Variants in ITGBL1 observed in about 807,000 individuals in gnomAD.
ITGBL1 encodes the protein integrin subunit beta like 1, also known as integrin beta-like protein 1.
A neutral mutation model predicts 68.5 loss-of-function variants in ITGBL1; 51 were observed. The ratio of observed to expected loss-of-function variants is 0.74; its 90% confidence interval spans 0.59 to 0.94. The LOEUF is 0.94. Among genes scored for constraint, ITGBL1 ranks in the 40% least tolerant of loss-of-function variants. ITGBL1 has a pLI of 0.00. For missense variants in ITGBL1, 649 were observed against 647.4 expected (o/e 1.00, Z -0.03); for synonymous variants, 209 against 227.3 (o/e 0.92, Z 0.72).
chr13:101,560,755 C>CT (rs960512063), intron 2 of ITGBL1, among the ~76,000 whole-genome samples: 5 of 152,028 alleles, frequency 3.3e-5, no homozygotes, highest in Admixed American at 6.5e-5. Flanking sequence ...TCAAATTATC[C>CT]TTTTTTTGTA....
intron 7 of ITGBL1, among the ~76,000 whole-genome samples, chr13:101,645,857 AT>A (rs1406453550): frequency 6.6e-6 from 1 of 152,020 alleles, no homozygotes; most frequent in Non-Finnish European, 1.5e-5. Flanking sequence ...GGGATAATTT[AT>A]TTTTTGTTTT....
intron 7 of ITGBL1, among the ~76,000 whole-genome samples, chr13:101,688,951 C>A (rs2033817115): frequency 6.6e-6 from 1 of 152,002 alleles, no homozygotes; most frequent in Middle Eastern, 3.4e-3. Context: ...GTGATCCCAG[C>A]ACTTTGGGAG....
chr13:101,673,807 T>A (rs1327992776), intron 7 of ITGBL1, among the ~76,000 whole-genome samples: 1 of 152,208 alleles, frequency 6.6e-6, no homozygotes, highest in East Asian at 1.9e-4. Context: ...AAGTTGGACT[T>A]AACAACGAAC....
At chr13:101,688,152 T>C (rs1200695872) in intron 7 of ITGBL1, among the ~76,000 whole-genome samples, 2 of 152,186 alleles carry the variant, frequency 1.3e-5, no homozygotes, top group Non-Finnish European at 2.9e-5. Context: ...TTCTACTACA[T>C]TAAGGGAGAA....
intron 3 of ITGBL1, among the ~76,000 whole-genome samples, chr13:101,569,489 T>G (rs1222145465): frequency 6.6e-6 from 1 of 152,178 alleles, no homozygotes; most frequent in Non-Finnish European, 1.5e-5. Flanking sequence ...TGCAATACCT[T>G]TGTTCATAAC....
chr13:101,459,761 A>T (rs1329239268), intron 2 of ITGBL1, among the ~76,000 whole-genome samples: 1 of 152,160 alleles, frequency 6.6e-6, no homozygotes, highest in Admixed American at 6.6e-5. Flanking sequence ...AAATAAATAT[A>T]AAAAATAAAT....
intron 8 of ITGBL1, among the ~76,000 whole-genome samples, chr13:101,699,086 G>C (rs964485673): frequency 1.3e-4 from 20 of 152,184 alleles, no homozygotes; most frequent in African/African-American, 4.8e-4. Flanking sequence ...TCTTGTATGA[G>C]GAAGAGATCA....
At chr13:101,638,953 T>G (rs2032270844) in intron 7 of ITGBL1, among the ~76,000 whole-genome samples, 1 of 152,186 alleles carries the variant, frequency 6.6e-6, no homozygotes, top group South Asian at 2.1e-4. Context: ...CTGTATTTAT[T>G]ATTAATTTTT....
intron 7 of ITGBL1, among the ~76,000 whole-genome samples, chr13:101,647,293 T>G (rs925537616): frequency 6.6e-6 from 1 of 152,196 alleles, no homozygotes; most frequent in Non-Finnish European, 1.5e-5. Context: ...ATTAATATTT[T>G]TCATTTTCAA....
At chr13:101,472,000 G>A (rs2048468007) in intron 2 of ITGBL1, among the ~76,000 whole-genome samples, 1 of 117,806 alleles carries the variant, frequency 8.5e-6, no homozygotes, top group Non-Finnish European at 1.9e-5. Context: ...TTTATTTTAA[G>A]TATAACCATA....
chr13:101,566,377 C>T (rs6491633), intron 2 of ITGBL1, among the ~76,000 whole-genome samples: 121,698 of 152,146 alleles, frequency 0.8, 48,830 homozygotes, highest in African/African-American at 0.87. Flanking sequence ...TTGGGCAAGA[C>T]TGACAATATT....
chr13:101,634,400 T>C (rs1401035700), intron 7 of ITGBL1, among the ~76,000 whole-genome samples: 1 of 152,066 alleles, frequency 6.6e-6, no homozygotes, highest in African/African-American at 2.4e-5. Flanking sequence ...AGGCAGAAAA[T>C]GAAAGCTTCA....
chr13:101,591,675 G>C (rs2050657187), intron 6 of ITGBL1, among the ~76,000 whole-genome samples: 1 of 152,084 alleles, frequency 6.6e-6, no homozygotes, highest in African/African-American at 2.4e-5. Flanking sequence ...CTTTACTGGA[G>C]GCCAATTTTC....
intron 2 of ITGBL1, among the ~76,000 whole-genome samples, chr13:101,493,027 A>G (rs2048803468): frequency 6.6e-6 from 1 of 152,220 alleles, no homozygotes; most frequent in Non-Finnish European, 1.5e-5. Context: ...TAGATGTTGT[A>G]CAAAGTTTAT....
intron 6 of ITGBL1, among the ~76,000 whole-genome samples, chr13:101,591,327 A>G (rs2139308185): frequency 1.3e-5 from 2 of 152,356 alleles, no homozygotes; most frequent in Non-Finnish European, 2.9e-5. Flanking sequence ...AATCATATTC[A>G]TATGTCATGT....
At chr13:101,537,916 C>T (rs2049607995) in intron 2 of ITGBL1, among the ~76,000 whole-genome samples, 1 of 151,994 alleles carries the variant, frequency 6.6e-6, no homozygotes, top group African/African-American at 2.4e-5. Context: ...TCATGAAGAA[C>T]TGTTAATCCT....
intron 7 of ITGBL1, among the ~76,000 whole-genome samples, chr13:101,657,628 G>C (rs1397004731): frequency 1.3e-5 from 2 of 152,170 alleles, no homozygotes; most frequent in African/African-American, 4.8e-5. Flanking sequence ...AATATTTTGA[G>C]ATTGGTTTTC....
At chr13:101,458,593 A>G (rs1446268517) in intron 2 of ITGBL1, among the ~76,000 whole-genome samples, 1 of 152,136 alleles carries the variant, frequency 6.6e-6, no homozygotes, top group Non-Finnish European at 1.5e-5. Context: ...GCTGGGAATT[A>G]GTTCTAGGGA....
At chr13:101,535,405 G>T (rs1200427256) in intron 2 of ITGBL1, among the ~76,000 whole-genome samples, 1 of 152,056 alleles carries the variant, frequency 6.6e-6, no homozygotes. Context: ...AGACCTTATA[G>T]TTAGAGAATA....
Sources: allele counts gnomAD v4.1 joint callset (sites outside exome capture counted in the v4.1 genomes callset), GRCh38; gene constraint gnomAD v4.1.1; transcripts MANE v1.5; gene names NCBI Gene and HGNC (gene_info 2026-07-23, HGNC 2026-07-21).